DCLK2: variants seen among roughly 807,000 people sequenced by gnomAD.
The protein encoded by DCLK2 is doublecortin like kinase 2.
Under a neutral mutation model 78.4 loss-of-function variants are expected in DCLK2, and 31 were observed. The observed-to-expected ratio is 0.40, with a 90% CI of 0.30 to 0.53. The LOEUF (loss-of-function observed/expected upper bound fraction) is 0.53, where lower values mean the gene tolerates loss of function less well. Among genes scored for constraint, DCLK2 ranks in the 20% least tolerant of loss-of-function variants. The pLI, the probability that DCLK2 is intolerant of heterozygous loss-of-function variation, is 0.61. For synonymous variants in DCLK2, 407 were observed against 374.9 expected (o/e 1.09, Z -0.99); for missense variants, 872 against 973.7 (o/e 0.90, Z 1.39).
intron 1 of DCLK2, among the ~76,000 whole-genome samples, chr4:150,087,466 G>C (rs1729728688): frequency 6.6e-6 from 1 of 152,202 alleles, no homozygotes; most frequent in African/African-American, 2.4e-5. Flanking sequence ...AAGGAGGTTT[G>C]CTGAAAATCA....
intron 1 of DCLK2, among the ~76,000 whole-genome samples, chr4:150,100,461 CT>C (rs1346022801): frequency 1.3e-5 from 2 of 152,082 alleles, no homozygotes; most frequent in Non-Finnish European, 2.9e-5. Flanking sequence ...TGTTTTGTTT[CT>C]TTTTTCATTG....
At chr4:150,139,399 G>A (rs376862308) in intron 2 of DCLK2, among the ~76,000 whole-genome samples, 5 of 152,148 alleles carry the variant, frequency 3.3e-5, no homozygotes, top group South Asian at 2.1e-4. Flanking sequence ...AGGAGTATCC[G>A]TCCAAACTCC....
chr4:150,168,647 G>T (rs1005684434), intron 2 of DCLK2, among the ~76,000 whole-genome samples: 8 of 152,188 alleles, frequency 5.3e-5, no homozygotes, highest in African/African-American at 1.9e-4. Flanking sequence ...CAGAACCAAG[G>T]TCTGTACTTC....
intron 2 of DCLK2, among the ~76,000 whole-genome samples, chr4:150,177,330 G>A (rs1221814905): frequency 6.6e-6 from 1 of 151,912 alleles, no homozygotes; most frequent in Non-Finnish European, 1.5e-5. Flanking sequence ...GCTCCTTTTG[G>A]TCAAGAAGCC....
chr4:150,093,658 A>G (rs1203734374), intron 1 of DCLK2, among the ~76,000 whole-genome samples: 1 of 152,252 alleles, frequency 6.6e-6, no homozygotes, highest in Non-Finnish European at 1.5e-5. Context: ...CTGGGATTAC[A>G]GGCATAAACC....
intron 5 of DCLK2, among the ~76,000 whole-genome samples, chr4:150,206,576 T>C (rs1739856797): frequency 6.6e-6 from 1 of 152,284 alleles, no homozygotes; most frequent in Non-Finnish European, 1.5e-5. Flanking sequence ...AAAACAAGAC[T>C]TTTGATTTTA....
chr4:150,100,937 A>G (rs1730841300), intron 1 of DCLK2, among the ~76,000 whole-genome samples: 1 of 152,140 alleles, frequency 6.6e-6, no homozygotes, highest in Non-Finnish European at 1.5e-5. Context: ...CCTTAAATAG[A>G]AGACATTGCT....
At chr4:150,190,069 G>A (rs1224061004) in intron 2 of DCLK2, among the ~76,000 whole-genome samples, 1 of 63,486 alleles carries the variant, frequency 1.6e-5, no homozygotes, top group African/African-American at 4.1e-5. Context: ...TGTGGTGGCT[G>A]TGGTCCCAGC....
chr4:150,087,547 G>A (rs906874982), intron 1 of DCLK2, among the ~76,000 whole-genome samples: 2 of 152,186 alleles, frequency 1.3e-5, no homozygotes, highest in Non-Finnish European at 2.9e-5. Flanking sequence ...GGAGCCATCC[G>A]AATTAAGACC....
chr4:150,100,535 A>T (rs78948247), intron 1 of DCLK2, among the ~76,000 whole-genome samples: 5,980 of 152,036 alleles, frequency 0.039, 241 homozygotes, highest in Admixed American at 0.085. Flanking sequence ...TGCCCTTTTT[A>T]AAAAAAATTA....
At chr4:150,192,945 CTG>C (rs1439464990) in intron 2 of DCLK2, among the ~76,000 whole-genome samples, 191 bp from the exon 3 acceptor site, 1 of 152,192 alleles carries the variant, frequency 6.6e-6, no homozygotes, top group Non-Finnish European at 1.5e-5. Context: ...ATCCTTGACT[CTG>C]TTGTTCTGAG....
rs1009361987 is a variant in DCLK2 at position 150,257,239 on chromosome 4, T to C, written c.*992T>C. 4 of 152,856 alleles carry C rather than the reference T, an allele frequency of 2.6e-5. No homozygotes were observed. The Middle Eastern group carries it at 0.01, about 387-fold the overall frequency. 9.5% of individuals were successfully genotyped at this position (152,856 alleles called of 1,614,324 possible). A position where few individuals can be genotyped will look rare whatever the true frequency, so the allele number is the denominator to read the frequency against. On this transcript the variant is annotated 3_prime_UTR_variant, in exon 16 of 16. Transcript: ENST00000296550. ...GGGAAGGTGCTCCCTGGATATACTC[T>C]GTGAACCTTCTGGAAGGCTGCTGGC...
At chr4:150,233,161 G>A (rs948057009) in intron 10 of DCLK2, among the ~76,000 whole-genome samples, 7 of 152,286 alleles carry the variant, frequency 4.6e-5, no homozygotes, top group Non-Finnish European at 7.4e-5. Context: ...GGCGGAAGGC[G>A]AAGGGGAAGC....
In DCLK2 at chr4:150,193,212, C is replaced by T. The variant is rs1738600511; in HGVS notation, c.831C>T (p.Ala277=). 1 of 1,610,266 alleles carries T rather than the reference C, an allele frequency of 6.2e-7. No homozygotes were observed. Among genetic ancestry groups the T allele is most frequent in the Admixed American group, 1.7e-5 (1 of 59,924 alleles). Residue 277 remains alanine, a synonymous_variant, in exon 3 of 16, where the codon GCC becomes GCT. Coordinates refer to ENST00000296550, the MANE Select transcript of DCLK2 (RefSeq NM_001040260.4). ...IACGPEKFRY[A]QDDFVLDHSE... is the part of the protein sequence containing the mutation. ...GTGGACCAGAAAAATTTCGTTATGC[C>T]CAAGATGACTTTGTCCTGGATCATA...
At chr4:150,157,533 G>T (rs1286230980) in intron 2 of DCLK2, among the ~76,000 whole-genome samples, 1 of 142,402 alleles carries the variant, frequency 7.0e-6, no homozygotes, top group African/African-American at 2.6e-5. Context: ...TTGTTTTTGA[G>T]CTGGAGTCTC....
In DCLK2 at chr4:150,116,377, C is replaced by T. The variant is rs1054639794; in HGVS notation, c.756+13565C>T. 7.9e-5 allele frequency among the ~76,000 whole-genome samples: 12 copies of T among 152,200 alleles called. No homozygotes were observed. In the South Asian group the frequency reaches 8.3e-4, roughly 11 times the overall value. On this transcript the variant is annotated intron_variant, in intron 2 of 15. Coordinates refer to ENST00000296550, the MANE Select transcript of DCLK2 (RefSeq NM_001040260.4). Reference sequence around the variant, plus strand: ...AGGTGCAGACTTTCCCTGCTGAGCCCGGCACTGCGCCTATGCCTCTGCTGA... The same window carrying T: ...AGGTGCAGACTTTCCCTGCTGAGCCTGGCACTGCGCCTATGCCTCTGCTGA...
At chr4:150,162,973 C>T (rs545407219) in intron 2 of DCLK2, among the ~76,000 whole-genome samples, 10 of 152,306 alleles carry the variant, frequency 6.6e-5, no homozygotes, top group Admixed American at 2.0e-4. Flanking sequence ...AATTGTCTAA[C>T]GAATTGTTGG....
chr4:150,180,293 G>A (rs1158362136), intron 2 of DCLK2, among the ~76,000 whole-genome samples: 1 of 152,150 alleles, frequency 6.6e-6, no homozygotes, highest in Non-Finnish European at 1.5e-5. Flanking sequence ...TCACAAGGTA[G>A]TTTCCTGGGA....
intron 15 of DCLK2, among the ~76,000 whole-genome samples, chr4:150,255,286 T>G (rs1219676659): frequency 1.3e-5 from 2 of 152,204 alleles, no homozygotes; most frequent in Non-Finnish European, 2.9e-5. Flanking sequence ...GATGGCAGCT[T>G]GATGGGCTTC....
Sources: allele counts gnomAD v4.1 joint callset (sites outside exome capture counted in the v4.1 genomes callset), GRCh38; gene constraint gnomAD v4.1.1; transcripts MANE v1.5; gene names NCBI Gene and HGNC (gene_info 2026-07-23, HGNC 2026-07-21).